GABRB3: variants seen among roughly 807,000 people sequenced by gnomAD.
The protein encoded by GABRB3 is gamma-aminobutyric acid type A receptor subunit beta3.
GABRB3 carries 14 observed loss-of-function variants against 52.1 expected under a neutral mutation model. That is an observed-to-expected ratio of 0.27 (90% CI 0.18 to 0.42). GABRB3 has a LOEUF of 0.42. Ranked by LOEUF, GABRB3 falls within the 10% of genes least tolerant of loss-of-function variation. The pLI, the probability that GABRB3 is intolerant of heterozygous loss-of-function variation, is 1.00. For synonymous variants in GABRB3, 260 were observed against 232.3 expected (o/e 1.12, Z -1.08); for missense variants, 307 against 609.1 (o/e 0.50, Z 5.22).
intron 3 of GABRB3, among the ~76,000 whole-genome samples, chr15:26,758,896 A>G (rs1485485519): frequency 6.6e-6 from 1 of 152,214 alleles, no homozygotes; most frequent in African/African-American, 2.4e-5. Context: ...AATTTCTTCC[A>G]CACAAACACT....
intron 3 of GABRB3, among the ~76,000 whole-genome samples, chr15:26,733,924 A>G (rs1358041630): frequency 6.6e-6 from 1 of 152,122 alleles, no homozygotes; most frequent in African/African-American, 2.4e-5. Flanking sequence ...CCAGATATCC[A>G]CATGCAAAAG....
At chr15:26,724,094 T>A (rs960523680) in intron 3 of GABRB3, among the ~76,000 whole-genome samples, 2 of 152,180 alleles carry the variant, frequency 1.3e-5, no homozygotes, top group Non-Finnish European at 2.9e-5. Context: ...AAGCTTTTCA[T>A]ATTCATTTTT....
chr15:26,627,261 C>A (rs2140551016), intron 3 of GABRB3, among the ~76,000 whole-genome samples: 1 of 151,602 alleles, frequency 6.6e-6, no homozygotes, highest in African/African-American at 2.4e-5. Context: ...TGTACCTGGT[C>A]ACTCAAGAGC....
At chr15:26,693,027 T>A (rs1888633086) in intron 3 of GABRB3, among the ~76,000 whole-genome samples, 1 of 152,186 alleles carries the variant, frequency 6.6e-6, no homozygotes, top group East Asian at 1.9e-4. Context: ...AAACCAGAAC[T>A]GCACAGGAAG....
chr15:26,557,385 T>C (rs866222566), intron 8 of GABRB3, among the ~76,000 whole-genome samples: 3 of 152,268 alleles, frequency 2.0e-5, no homozygotes, highest in Middle Eastern at 6.8e-3. Context: ...ACATGCACTT[T>C]AGCCATATAA....
At chr15:26,626,741 T>C (rs2140549941) in intron 3 of GABRB3, among the ~76,000 whole-genome samples, 1 of 152,242 alleles carries the variant, frequency 6.6e-6, no homozygotes, top group East Asian at 1.9e-4. Flanking sequence ...AGTTAGAAGA[T>C]AGGAGAGATT....
intron 6 of GABRB3, among the ~76,000 whole-genome samples, chr15:26,579,698 T>C (rs1405862176): frequency 6.6e-6 from 1 of 152,220 alleles, no homozygotes; most frequent in Non-Finnish European, 1.5e-5. Flanking sequence ...CTGCAAAATA[T>C]ACATTTAGTA....
intron 3 of GABRB3, among the ~76,000 whole-genome samples, chr15:26,638,655 G>A (rs2140568328): frequency 6.6e-6 from 1 of 152,132 alleles, no homozygotes; most frequent in South Asian, 2.1e-4. Flanking sequence ...CACCCCAGTT[G>A]CCTTGAGTCA....
chr15:26,592,682 C>A (rs900092130), intron 4 of GABRB3, among the ~76,000 whole-genome samples: 219 of 152,236 alleles, frequency 1.4e-3, no homozygotes, highest in African/African-American at 5.1e-3. Flanking sequence ...GGCTGAAAAT[C>A]CTTTAATGGC....
At chr15:26,640,359 T>A (rs1026267755) in intron 3 of GABRB3, among the ~76,000 whole-genome samples, 1 of 151,902 alleles carries the variant, frequency 6.6e-6, no homozygotes, top group Non-Finnish European at 1.5e-5. Context: ...ATACTAAAAA[T>A]ACAAAAAATT....
At chr15:26,740,950 C>T (rs963535334) in intron 3 of GABRB3, among the ~76,000 whole-genome samples, 9 of 151,922 alleles carry the variant, frequency 5.9e-5, no homozygotes, top group African/African-American at 1.9e-4. Flanking sequence ...AGCACGGAGC[C>T]GACTCTGAGT....
intron 8 of GABRB3, among the ~76,000 whole-genome samples, chr15:26,548,768 C>T (rs1279674023): frequency 3.3e-5 from 5 of 152,164 alleles, no homozygotes; most frequent in African/African-American, 1.2e-4. Context: ...CCAAACTTTA[C>T]AATGATAGCA....
intron 3 of GABRB3, among the ~76,000 whole-genome samples, chr15:26,735,404 T>C (rs141264488): frequency 2.0e-5 from 3 of 152,162 alleles, no homozygotes; most frequent in Non-Finnish European, 2.9e-5. Context: ...CTGCAGCAAC[T>C]CCACTTCTGG....
chr15:26,732,653 C>T (rs993257351), intron 3 of GABRB3, among the ~76,000 whole-genome samples: 1 of 151,806 alleles, frequency 6.6e-6, no homozygotes, highest in Non-Finnish European at 1.5e-5. Context: ...CTGCAACCTC[C>T]ACCTCCCAGG....
At chr15:26,739,582 C>T (rs1466897880) in intron 3 of GABRB3, among the ~76,000 whole-genome samples, 1 of 151,994 alleles carries the variant, frequency 6.6e-6, no homozygotes. Flanking sequence ...GCAGGGTGAG[C>T]GTTCCTTTTC....
intron 3 of GABRB3, among the ~76,000 whole-genome samples, chr15:26,717,953 T>C (rs1003780640): frequency 6.6e-6 from 1 of 152,218 alleles, no homozygotes; most frequent in Admixed American, 6.5e-5. Flanking sequence ...TTCTCACTTC[T>C]GCAAGTACTT....
At chr15:26,713,041 T>C (rs1889352420) in intron 3 of GABRB3, among the ~76,000 whole-genome samples, 1 of 152,002 alleles carries the variant, frequency 6.6e-6, no homozygotes, top group East Asian at 1.9e-4. Flanking sequence ...CAGGGTCAGG[T>C]AGGGGTAGAA....
intron 3 of GABRB3, among the ~76,000 whole-genome samples, chr15:26,728,517 T>C (rs926214313): frequency 2.0e-5 from 3 of 152,168 alleles, no homozygotes; most frequent in Admixed American, 6.5e-5. Context: ...CAATAGATAC[T>C]GGGAAGGGTG....
chr15:26,575,258 T>C (rs987891942), intron 6 of GABRB3, among the ~76,000 whole-genome samples: 65 of 152,216 alleles, frequency 4.3e-4, no homozygotes, highest in Non-Finnish European at 3.7e-4. Flanking sequence ...TAAAAAGTGA[T>C]GTCACAGCAA....
Sources: allele counts gnomAD v4.1 joint callset (sites outside exome capture counted in the v4.1 genomes callset), GRCh38; gene constraint gnomAD v4.1.1; transcripts MANE v1.5; gene names NCBI Gene and HGNC (gene_info 2026-07-23, HGNC 2026-07-21).